The following IFNGR2 variants were observed in gnomAD, a reference collection of about 807,000 sequenced individuals.
The protein encoded by IFNGR2 is interferon gamma receptor 2, also known as IFN-gamma receptor 2.
Under a neutral mutation model 41.1 loss-of-function variants are expected in IFNGR2, and 15 were observed. The observed-to-expected ratio is 0.37, with a 90% confidence interval of 0.24 to 0.56. The LOEUF (loss-of-function observed/expected upper bound fraction) is 0.56, where lower values mean the gene tolerates loss of function less well. Ranked by LOEUF, IFNGR2 falls within the 20% of genes least tolerant of loss-of-function variation. The pLI is 0.81. For missense variants in IFNGR2, 362 were observed against 415.7 expected (o/e 0.87, Z 1.12); for synonymous variants, 161 against 171.6 (o/e 0.94, Z 0.48).
At chr21:33,424,323 C>T (rs2083818244) in intron 3 of IFNGR2, among the ~76,000 whole-genome samples, 1 of 147,830 alleles carries the variant, frequency 6.8e-6, no homozygotes, top group Non-Finnish European at 1.5e-5. Flanking sequence ...AGGAATGATA[C>T]TTACCGCCAC....
rs121913209 is a variant in IFNGR2 at position 33,426,981 on chromosome 21, G to T, written c.510G>T (p.Thr170=). The T allele has an allele frequency of 6.2e-7, 1 of 1,613,374 alleles. No homozygotes were observed. Among genetic ancestry groups the T allele is most frequent in the Admixed American group, 1.7e-5 (1 of 59,956 alleles). The part of the protein sequence containing the change: ...SSPFDIADTS[T]AFFCYYVHYW... ...CCTTTGACATCGCTGATACCTCCAC[G>T]GCCTTTTTTTGTTATTATGTCCATT... The change falls in exon 4 of 7, where the codon ACG becomes ACT. Residue 170 remains threonine, a synonymous_variant. Transcript: ENST00000290219.
Position 33,437,406 on chromosome 21 carries a change from T to G in IFNGR2, c.*444T>G. On this transcript the variant is annotated 3_prime_UTR_variant, in exon 7 of 7. Transcript: ENST00000290219. ...GACACCGAGTGGCCCTTCATGTACA[T>G]CCATGGTGTGCTGGCTTAAAATGTA... The G allele has an allele frequency of 5.8e-6, 1 of 171,458 alleles. No homozygotes were observed. The highest frequency in any genetic ancestry group is 1.3e-5 in the Non-Finnish European group (1 of 79,506). The allele number at this position is 171,458 out of a possible 1,614,324, so 10.6% of individuals were successfully genotyped here. A position where few individuals can be genotyped will look rare whatever the true frequency, so the allele number is the denominator to read the frequency against.
chr21:33,426,674 C>A (rs192350781), intron 3 of IFNGR2, among the ~76,000 whole-genome samples: 1 of 151,494 alleles, frequency 6.6e-6, no homozygotes, highest in East Asian at 1.9e-4. Context: ...GAGCCGAGAT[C>A]GCACAACTGC....
At chr21:33,423,641 A>T (rs534475244) in intron 3 of IFNGR2, among the ~76,000 whole-genome samples, 1 of 151,580 alleles carries the variant, frequency 6.6e-6, no homozygotes, top group East Asian at 2.0e-4. Context: ...TGACCTCGTG[A>T]TCCGCCCATC....
chr21:33,423,604 ATGT>A (rs1353220139), intron 3 of IFNGR2, among the ~76,000 whole-genome samples: 2 of 145,616 alleles, frequency 1.4e-5, no homozygotes, highest in Admixed American at 6.9e-5. Flanking sequence ...GGATTTCACC[ATGT>A]TGTCCAGGCT....
Position 33,437,063 on chromosome 21 carries a change from G to C in IFNGR2, c.*101G>C, listed in dbSNP as rs17882479. ...TTTCCAGAGACCAGTATTCCCTTTT[G>C]CTGCCTCTAAAAGGCCTGTCCCTGC... On this transcript the variant is annotated 3_prime_UTR_variant, in exon 7 of 7. Coordinates refer to ENST00000290219, the MANE Select transcript of IFNGR2 (RefSeq NM_005534.4). The C allele has an allele frequency of 2.1e-5, 26 of 1,258,760 alleles. No individual in the cohort carries two copies. The highest frequency in any genetic ancestry group is 3.0e-5 in the Non-Finnish European group (26 of 870,640). The allele number at this position is 1,258,760 out of a possible 1,614,324, so 78.0% of individuals were successfully genotyped here.
intron 4 of IFNGR2, among the ~76,000 whole-genome samples, chr21:33,431,304 T>C (rs2083884329): frequency 6.6e-6 from 1 of 152,164 alleles, no homozygotes; most frequent in African/African-American, 2.4e-5. Flanking sequence ...GCGCGGTGGC[T>C]CACGCCTATA....
intron 2 of IFNGR2, among the ~76,000 whole-genome samples, chr21:33,421,079 C>T (rs377719720): frequency 6.6e-6 from 1 of 151,968 alleles, no homozygotes; most frequent in Non-Finnish European, 1.5e-5. Context: ...TGCCTGTAAT[C>T]CCAGCACATT....
At chr21:33,423,184 C>T (rs1370069333) in intron 3 of IFNGR2, among the ~76,000 whole-genome samples, 6 of 150,620 alleles carry the variant, frequency 4.0e-5, no homozygotes, top group East Asian at 4.1e-4. Flanking sequence ...GGACTACAGG[C>T]GCCCGCCACC....
At chr21:33,428,055 T>C (rs2083855057) in intron 4 of IFNGR2, among the ~76,000 whole-genome samples, 1 of 151,824 alleles carries the variant, frequency 6.6e-6, no homozygotes, top group South Asian at 2.1e-4. Context: ...ACTAATCCGT[T>C]TGCAGAGAGA....
At chr21:33,427,217 G>A (rs931905270) in intron 4 of IFNGR2, among the ~76,000 whole-genome samples, 185 bp downstream of exon 4, 1 of 152,116 alleles carries the variant, frequency 6.6e-6, no homozygotes, top group African/African-American at 2.4e-5. Flanking sequence ...TCGGTTTGCT[G>A]AGACCTCCCT....
chr21:33,423,682 G>A (rs567219393), intron 3 of IFNGR2, among the ~76,000 whole-genome samples: 5 of 152,178 alleles, frequency 3.3e-5, no homozygotes, highest in South Asian at 2.1e-4. Context: ...GATTACAGGC[G>A]TGAGAGCCAC....
At chr21:33,434,159 C>T (rs1416530388) in intron 6 of IFNGR2, among the ~76,000 whole-genome samples, 1 of 152,154 alleles carries the variant, frequency 6.6e-6, no homozygotes, top group Non-Finnish European at 1.5e-5. Context: ...TCTGTGAGGC[C>T]ATTGGGCCTT....
intron 2 of IFNGR2, among the ~76,000 whole-genome samples, chr21:33,419,522 T>A (rs2083776339): frequency 6.6e-6 from 1 of 152,156 alleles, no homozygotes; most frequent in South Asian, 2.1e-4. Context: ...GGGGTCTATT[T>A]CCTTTTTTAT....
intron 6 of IFNGR2, among the ~76,000 whole-genome samples, chr21:33,433,701 A>T (rs1027085870): frequency 3.3e-5 from 5 of 152,158 alleles, no homozygotes; most frequent in African/African-American, 1.2e-4. Context: ...TGATTGCACA[A>T]TGTGAATGTG....
At chr21:33,410,509 C>A (rs967289368) in intron 1 of IFNGR2, among the ~76,000 whole-genome samples, 1 of 150,058 alleles carries the variant, frequency 6.7e-6, no homozygotes, top group African/African-American at 2.5e-5. Flanking sequence ...GCTCTTGTCG[C>A]CCAAGCTGGA....
chr21:33,413,198 T>G (rs1352985334), intron 1 of IFNGR2, among the ~76,000 whole-genome samples: 1 of 152,166 alleles, frequency 6.6e-6, no homozygotes, highest in East Asian at 1.9e-4. Flanking sequence ...AGTCCCCAAC[T>G]GGCTTTGGGC....
At position 33,426,868 on chromosome 21, in the gene IFNGR2, T is replaced by C. The variant is rs1247510326; in HGVS notation, c.413-16T>C. 6.2e-7 allele frequency: 1 copy of C among 1,611,554 alleles called. No homozygotes were observed. The highest frequency in any genetic ancestry group is 8.5e-7 in the Non-Finnish European group (1 of 1,178,174). ...ATGTGTATGTGTGTGGTTTTCTCTT[T>C]GTAATTCTTTTTCAGTGACTGTCGG... On this transcript the variant is annotated splice_polypyrimidine_tract_variant and intron_variant, in intron 3 of 6. Transcript: ENST00000290219.
At chr21:33,430,164 C>T (rs950954502) in intron 4 of IFNGR2, among the ~76,000 whole-genome samples, 1 of 152,100 alleles carries the variant, frequency 6.6e-6, no homozygotes. Flanking sequence ...AAAAAACGCA[C>T]ACAAATTCCC....
Sources: gnomAD v4.1 joint callset for allele counts (sites outside exome capture counted in the v4.1 genomes callset) on GRCh38, gnomAD v4.1.1 for gene constraint, MANE v1.5 for transcripts, NCBI Gene and HGNC (gene_info 2026-07-23, HGNC 2026-07-21) for gene names.